HSF2: variants seen among roughly 807,000 people sequenced by gnomAD.
HSF2 encodes heat shock transcription factor 2, also known as heat shock factor protein 2.
Under a neutral mutation model 65.0 loss-of-function variants are expected in HSF2, and 21 were observed. The observed-to-expected ratio is 0.32, with a 90% CI of 0.23 to 0.47. HSF2 has a LOEUF of 0.47. Ranked by LOEUF, HSF2 falls within the 20% of genes least tolerant of loss-of-function variation. HSF2 has a pLI of 1.00. For synonymous variants in HSF2, 225 were observed against 219.1 expected (o/e 1.03, Z -0.24); for missense variants, 499 against 628.1 (o/e 0.79, Z 2.20).
rs1237952513 is a variant in HSF2 at position 122,422,652 on chromosome 6, G to A, written c.831-66G>A. The A allele has an allele frequency of 6.7e-6, 10 of 1,499,248 alleles. No homozygotes were observed. The African/African-American group carries it at 1.4e-4, about 21-fold the overall frequency. The allele number at this position is 1,499,248 out of a possible 1,614,324, so 92.9% of individuals were successfully genotyped here. On this transcript the variant is annotated intron_variant, in intron 8 of 12. Coordinates refer to ENST00000368455, the MANE Select transcript of HSF2 (RefSeq NM_004506.4). ...TGGGGAGAGAGTTTCCATTTAGAAT[G>A]AATGGATAGTATGAACTTATTAAAT...
At chr6:122,400,840 A>T (rs1028112210) in intron 1 of HSF2, among the ~76,000 whole-genome samples, 4 of 152,228 alleles carry the variant, frequency 2.6e-5, no homozygotes, top group African/African-American at 7.2e-5. Context: ...GCATATTTTC[A>T]TATGTGTAGT....
At chr6:122,423,431 C>T (rs1774278196) in intron 9 of HSF2, 150 bp from the exon 10 acceptor site, 4 of 477,686 alleles carry the variant, frequency 8.4e-6, no homozygotes, top group Admixed American at 3.7e-5. Flanking sequence ...TCAAGAATTC[C>T]TACTCTAGAA....
intron 1 of HSF2, among the ~76,000 whole-genome samples, chr6:122,400,959 A>G (rs1773717104): frequency 6.6e-6 from 1 of 152,144 alleles, no homozygotes; most frequent in Non-Finnish European, 1.5e-5. Flanking sequence ...TATTATAGGA[A>G]CTCTTAGTTT....
intron 4 of HSF2, 29 bp from the exon 5 acceptor site, chr6:122,416,173 TTTGATTGATTTTTTTTTTG>T: frequency 8.3e-7 from 1 of 1,210,464 alleles, no homozygotes; most frequent in Non-Finnish European, 1.2e-6. Flanking sequence ...GGTCTGGTTT[TTTGATTGATTTTTTTTTTG>T]TTTTGTTGCT....
chr6:122,409,394 G>A (rs1316104384), intron 1 of HSF2, among the ~76,000 whole-genome samples: 7 of 152,014 alleles, frequency 4.6e-5, no homozygotes. Context: ...GGAACCAAAA[G>A]CAGTTTTCAG....
At chr6:122,414,907 G>A (rs1395277420) in intron 4 of HSF2, among the ~76,000 whole-genome samples, 3 of 152,128 alleles carry the variant, frequency 2.0e-5, no homozygotes, top group Admixed American at 6.6e-5. Context: ...ACGAGCCACC[G>A]CACCCAGCCC....
At chr6:122,430,746 C>G (rs1360210279) in intron 11 of HSF2, among the ~76,000 whole-genome samples, 4 of 152,102 alleles carry the variant, frequency 2.6e-5, no homozygotes, top group Admixed American at 2.6e-4. Flanking sequence ...AGAACCTCTG[C>G]ACCTCAGAGT....
At position 122,431,438 on chromosome 6, in the gene HSF2, TA is replaced by T; in HGVS notation, c.1242del (p.Gly415AspfsTer2). ...DYINNTKSENKGLETTKNNVV... is the reference protein window; with the variant it reads ...DYINNTKSENXGLETTKNNVV... ...ATATTTTTTTCTTTTAGTCTGAGAA[TA>T]AAGGATTAGAAACTACCAAGAACAA... On this transcript the variant is annotated frameshift_variant, in exon 12 of 13. Transcript: ENST00000368455. LOFTEE classifies it high-confidence loss of function. 1 of 1,522,568 alleles carries T rather than the reference TA, an allele frequency of 6.6e-7. No individual in the cohort carries two copies. Among genetic ancestry groups the T allele is most frequent in the Non-Finnish European group, 8.9e-7 (1 of 1,125,212 alleles). The allele number at this position is 1,522,568 out of a possible 1,614,324, so 94.3% of individuals were successfully genotyped here.
At chr6:122,425,699 CT>C (rs1253228282) in intron 10 of HSF2, among the ~76,000 whole-genome samples, 1 of 151,990 alleles carries the variant, frequency 6.6e-6, no homozygotes, top group African/African-American at 2.4e-5. Context: ...CTATCTTCTA[CT>C]TAAGGGCATC....
intron 1 of HSF2, among the ~76,000 whole-genome samples, chr6:122,400,089 C>T (rs1290757896): frequency 6.6e-6 from 1 of 152,152 alleles, no homozygotes; most frequent in Non-Finnish European, 1.5e-5. Context: ...CCCAGGCAGC[C>T]CCTTAACGGT....
intron 6 of HSF2, 26 bp downstream of exon 6, chr6:122,419,255 G>C (rs1448035278): frequency 1.1e-5 from 13 of 1,192,996 alleles, no homozygotes; most frequent in Non-Finnish European, 1.6e-5. Flanking sequence ...AAAGTATTAT[G>C]TCCTGTATAT....
chr6:122,425,960 A>G (rs1426340142), intron 10 of HSF2, among the ~76,000 whole-genome samples: 2 of 152,102 alleles, frequency 1.3e-5, no homozygotes, highest in Non-Finnish European at 2.9e-5. Flanking sequence ...TACATTTTAC[A>G]GCTTTCTGAT....
At chr6:122,421,239 C>T (rs112708116) in intron 7 of HSF2, among the ~76,000 whole-genome samples, 211 of 152,052 alleles carry the variant, frequency 1.4e-3, no homozygotes, top group African/African-American at 4.9e-3. Context: ...TAGTCCAGTC[C>T]AAAGTCCAGA....
At chr6:122,421,436 C>A (rs572045486) in intron 7 of HSF2, among the ~76,000 whole-genome samples, 1 of 124,798 alleles carries the variant, frequency 8.0e-6, no homozygotes, top group Non-Finnish European at 1.8e-5. Context: ...ATTGAAGGCT[C>A]ATGTAAGTGG....
intron 5 of HSF2, 130 bp downstream of exon 5, chr6:122,416,426 G>C (rs754443723): frequency 2.0e-6 from 1 of 506,918 alleles, no homozygotes; most frequent in Admixed American, 3.7e-5. Flanking sequence ...ACAGATAGAA[G>C]TAAAAAATGA....
chr6:122,413,257 C>T (rs1477773977), intron 3 of HSF2, among the ~76,000 whole-genome samples: 1 of 151,812 alleles, frequency 6.6e-6, no homozygotes, highest in Non-Finnish European at 1.5e-5. Flanking sequence ...AGGAGCTTGG[C>T]ATAAGGGGAG....
intron 1 of HSF2, among the ~76,000 whole-genome samples, chr6:122,401,731 AGGT>A (rs747171643): frequency 9.8e-5 from 15 of 152,330 alleles, no homozygotes; most frequent in East Asian, 1.9e-4. Flanking sequence ...GAGACACACT[AGGT>A]GTTTAATAAT....
rs888164307 is a variant in HSF2 at position 122,422,708 on chromosome 6, G to A, written c.831-10G>A. ...AATGTAATAGGTTCCTTCTTTTATT[G>A]CTGATTTAGCTGTAGCCAGTACCCT... On this transcript the variant is annotated splice_polypyrimidine_tract_variant and intron_variant, in intron 8 of 12. Transcript: ENST00000368455. 6.2e-7 allele frequency: 1 copy of A among 1,611,702 alleles called. No individual in the cohort carries two copies. The highest frequency in any genetic ancestry group is 8.5e-7 in the Non-Finnish European group (1 of 1,178,376).
At chr6:122,420,481 G>A (rs1200812944) in intron 7 of HSF2, among the ~76,000 whole-genome samples, 4 of 151,112 alleles carry the variant, frequency 2.6e-5, no homozygotes, top group African/African-American at 7.3e-5. Context: ...ACTCTTCCTC[G>A]CTTACCCTAG....
Sources: gnomAD v4.1 joint callset for allele counts (sites outside exome capture counted in the v4.1 genomes callset) on GRCh38, gnomAD v4.1.1 for gene constraint, MANE v1.5 for transcripts, NCBI Gene and HGNC (gene_info 2026-07-23, HGNC 2026-07-21) for gene names.